PCNX1: variants seen among roughly 807,000 people sequenced by gnomAD.
PCNX1 encodes pecanex 1.
PCNX1 carries 78 observed loss-of-function variants against 242.2 expected under a neutral mutation model. The observed-to-expected ratio is 0.32, with a 90% CI of 0.27 to 0.39. PCNX1 has a LOEUF of 0.39. Ranked by LOEUF, PCNX1 falls within the 10% of genes least tolerant of loss-of-function variation. The probability of loss-of-function intolerance (pLI) is 1.00; values close to 1 mark genes in which losing one functional copy is unlikely to be tolerated. For missense variants in PCNX1, 2,581 were observed against 2,856.5 expected (o/e 0.90, Z 2.20); for synonymous variants, 1,024 against 1,032.9 (o/e 0.99, Z 0.17).
At chr14:70,997,272 G>A (rs1763983984) in intron 8 of PCNX1, among the ~76,000 whole-genome samples, 1 of 152,088 alleles carries the variant, frequency 6.6e-6, no homozygotes, top group Non-Finnish European at 1.5e-5. Flanking sequence ...TGAATCTGCA[G>A]ATATAAAATT....
chr14:70,950,608 C>G (rs187937852), intron 2 of PCNX1, among the ~76,000 whole-genome samples: 2 of 151,670 alleles, frequency 1.3e-5, no homozygotes, highest in East Asian at 1.9e-4. Context: ...TCAGCTGCCT[C>G]TTTTTTTTGC....
intron 13 of PCNX1, among the ~76,000 whole-genome samples, chr14:71,024,277 T>C (rs1266042132): frequency 2.0e-5 from 3 of 152,184 alleles, no homozygotes; most frequent in African/African-American, 7.2e-5. Flanking sequence ...ACATTAACAT[T>C]GGTACAATGC....
At chr14:70,957,256 A>G (rs1398897476) in intron 2 of PCNX1, among the ~76,000 whole-genome samples, 2 of 152,054 alleles carry the variant, frequency 1.3e-5, no homozygotes, top group African/African-American at 4.8e-5. Flanking sequence ...CCCGCGTGCT[A>G]GGATTACAGG....
intron 26 of PCNX1, among the ~76,000 whole-genome samples, chr14:71,064,693 C>T (rs567653892): frequency 1.6e-4 from 25 of 152,254 alleles, no homozygotes; most frequent in Non-Finnish European, 2.5e-4. Flanking sequence ...TAGGTATACA[C>T]ATGCCATGGA....
At chr14:71,056,392 C>A (rs147317955) in intron 25 of PCNX1, among the ~76,000 whole-genome samples, 178 of 152,268 alleles carry the variant, frequency 1.2e-3, no homozygotes, top group African/African-American at 4.1e-3. Flanking sequence ...CTGATGATGC[C>A]ATCCTGCATA....
intron 9 of PCNX1, among the ~76,000 whole-genome samples, chr14:71,011,053 G>A (rs2059808057): frequency 6.6e-6 from 1 of 152,122 alleles, no homozygotes; most frequent in South Asian, 2.1e-4. Context: ...CACTATAAAT[G>A]TGGTAAAGCC....
intron 34 of PCNX1, among the ~76,000 whole-genome samples, 161 bp from the exon 35 acceptor site, chr14:71,109,291 G>A (rs571891799): frequency 3.9e-5 from 6 of 152,188 alleles, no homozygotes; most frequent in Non-Finnish European, 7.4e-5. Context: ...CTACCAGAGG[G>A]CTGAAAAGAA....
chr14:71,030,409 G>T (rs925965091), intron 16 of PCNX1, among the ~76,000 whole-genome samples: 10 of 151,924 alleles, frequency 6.6e-5, no homozygotes, highest in Non-Finnish European at 1.2e-4. Context: ...TAGTTTACGT[G>T]CCTAGATTAG....
At chr14:70,936,445 A>G (rs1663435608) in intron 1 of PCNX1, among the ~76,000 whole-genome samples, 1 of 152,254 alleles carries the variant, frequency 6.6e-6, no homozygotes, top group Non-Finnish European at 1.5e-5. Context: ...CCATGTCCCT[A>G]CAAAGGACAT....
chr14:70,973,558 C>G (rs563483840), intron 5 of PCNX1, among the ~76,000 whole-genome samples: 118 of 151,970 alleles, frequency 7.8e-4, no homozygotes, highest in African/African-American at 2.7e-3. Flanking sequence ...GGAGAAGAAT[C>G]AGACAGTGAA....
At chr14:71,046,267 A>G (rs1362396916) in intron 20 of PCNX1, among the ~76,000 whole-genome samples, 1 of 152,120 alleles carries the variant, frequency 6.6e-6, no homozygotes, top group East Asian at 1.9e-4. Flanking sequence ...AAATGATGAC[A>G]CATACCTAGT....
At chr14:70,929,855 A>T (rs1421711440) in intron 1 of PCNX1, among the ~76,000 whole-genome samples, 1 of 152,240 alleles carries the variant, frequency 6.6e-6, no homozygotes, top group Non-Finnish European at 1.5e-5. Context: ...AAATCATTTC[A>T]TGAAATAGAG....
intron 8 of PCNX1, among the ~76,000 whole-genome samples, chr14:70,997,706 A>C (rs114586281): frequency 5.8e-4 from 88 of 152,320 alleles, no homozygotes; most frequent in African/African-American, 2.0e-3. Context: ...AATTAGCACA[A>C]AACAATCAAT....
chr14:71,034,633 A>G (rs1200430838), intron 18 of PCNX1, among the ~76,000 whole-genome samples: 1 of 152,182 alleles, frequency 6.6e-6, no homozygotes, highest in African/African-American at 2.4e-5. Context: ...GTGTCTATTT[A>G]TGGAATAAAA....
rs1410860269 is a variant in PCNX1, at chr14:71,026,404, A to G, written c.3355+116A>G. ...TTTTTAATAAGCTTATTTTACTGTTATTATGTGCTCTGAGGAACAAAGTGA... is the reference window on the plus strand; with the variant it reads ...TTTTTAATAAGCTTATTTTACTGTTGTTATGTGCTCTGAGGAACAAAGTGA... On this transcript the variant is annotated intron_variant, in intron 14 of 35. Transcript: ENST00000304743. 8 of 619,410 alleles carry G rather than the reference A, an allele frequency of 1.3e-5. No individual in the cohort carries two copies. In the East Asian group the frequency reaches 2.3e-4, roughly 18 times the overall value. 38.4% of individuals were successfully genotyped at this position (619,410 alleles called of 1,614,324 possible). A position where few individuals can be genotyped will look rare whatever the true frequency, so the allele number is the denominator to read the frequency against.
chr14:70,907,673 T>C lies in PCNX1; in HGVS notation c.-178T>C. 2.9e-6 allele frequency: 2 copies of C among 693,500 alleles called. No individual in the cohort carries two copies. The highest frequency in any genetic ancestry group is 3.8e-6 in the Non-Finnish European group (2 of 521,682). 43.0% of individuals were successfully genotyped at this position (693,500 alleles called of 1,614,324 possible). On this transcript the variant is annotated 5_prime_UTR_variant, in exon 1 of 36. Coordinates refer to ENST00000304743, the MANE Select transcript of PCNX1 (RefSeq NM_014982.3). ...CCTCTCGGGTCTCCTCCTCCTCGTT[T>C]GCTGCCTCCTCCTCCTCCTGCAGCA...
intron 9 of PCNX1, among the ~76,000 whole-genome samples, chr14:71,010,147 A>G (rs1434900552): frequency 6.6e-6 from 1 of 152,126 alleles, no homozygotes; most frequent in Non-Finnish European, 1.5e-5. Flanking sequence ...TGGAAAAAAG[A>G]AAGTATTGTT....
At position 71,076,424 on chromosome 14, in the gene PCNX1, A is replaced by T; in HGVS notation, c.5337+5A>T. ...TGCTCTTCCCGAAGAGCAAAGGTAGAGTTTATTTCATTTATAACTCTTTGA... is the reference window on the plus strand; with the variant it reads ...TGCTCTTCCCGAAGAGCAAAGGTAGTGTTTATTTCATTTATAACTCTTTGA... On this transcript the variant is annotated splice_donor_5th_base_variant and intron_variant, in intron 28 of 35. Transcript: ENST00000304743. 1.3e-6 allele frequency: 2 copies of T among 1,552,378 alleles called. No individual in the cohort carries two copies. The highest frequency in any genetic ancestry group is 1.8e-6 in the Non-Finnish European group (2 of 1,124,940).
chr14:71,055,206 A>AT (rs1352935017), intron 24 of PCNX1, among the ~76,000 whole-genome samples: 1 of 151,840 alleles, frequency 6.6e-6, no homozygotes, highest in Non-Finnish European at 1.5e-5. Flanking sequence ...TACAGTATAC[A>AT]TTTTTTTCAT....
Sources: allele counts gnomAD v4.1 joint callset (sites outside exome capture counted in the v4.1 genomes callset), GRCh38; gene constraint gnomAD v4.1.1; transcripts MANE v1.5; gene names NCBI Gene and HGNC (gene_info 2026-07-23, HGNC 2026-07-21).